Variants in GPATCH2 observed in about 807,000 individuals in gnomAD.
GPATCH2 encodes G-patch domain containing 2, also known as G patch domain-containing protein 2.
GPATCH2 carries 51 observed loss-of-function variants against 58.0 expected under a neutral mutation model. The ratio of observed to expected loss-of-function variants is 0.88; its 90% CI spans 0.70 to 1.11. The LOEUF (loss-of-function observed/expected upper bound fraction) is 1.11, where lower values mean the gene tolerates loss of function less well. Ranked by LOEUF, GPATCH2 falls within the 50% of genes most tolerant of loss-of-function variation. The pLI is 0.00. For missense variants in GPATCH2, 625 were observed against 652.2 expected, an observed-to-expected ratio of 0.96 and a Z score of 0.45; for synonymous variants, 222 against 218.5, an observed-to-expected ratio of 1.02 and a Z score of -0.14.
intron 5 of GPATCH2, among the ~76,000 whole-genome samples, chr1:217,546,942 CA>C (rs1558474347): frequency 2.0e-5 from 3 of 151,942 alleles, no homozygotes; most frequent in Non-Finnish European, 2.9e-5. Context: ...AGGACATGAA[CA>C]GACACTTTTC....
At chr1:217,622,910 G>T (rs767387952) in intron 1 of GPATCH2, among the ~76,000 whole-genome samples, 2 of 152,096 alleles carry the variant, frequency 1.3e-5, no homozygotes, top group African/African-American at 4.8e-5. Flanking sequence ...ATTAGCATTC[G>T]GCCAAACAAA....
chr1:217,451,954 G>A (rs746953486), intron 8 of GPATCH2, among the ~76,000 whole-genome samples: 1 of 152,210 alleles, frequency 6.6e-6, no homozygotes, highest in African/African-American at 2.4e-5. Flanking sequence ...AGTTTGCTCT[G>A]TTCAGGGAGT....
chr1:217,534,907 A>T (rs1211225342), intron 5 of GPATCH2, among the ~76,000 whole-genome samples: 1 of 152,218 alleles, frequency 6.6e-6, no homozygotes, highest in Admixed American at 6.5e-5. Context: ...GTCTTGTTCA[A>T]ATTCATGTTT....
intron 8 of GPATCH2, among the ~76,000 whole-genome samples, chr1:217,456,518 G>A (rs1333405187): frequency 2.0e-4 from 31 of 152,228 alleles, no homozygotes; most frequent in Admixed American, 1.9e-3. Context: ...GGACTCTCCT[G>A]ACTCCTCAAA....
rs1232268886 is a variant in GPATCH2, at chr1:217,427,159, T to C, written c.*3986A>G. The stretch of plus-strand genomic sequence containing the variant: ...GAGTGATTGTAACAGATTTGAACTC[T>C]GATACTTTAAGTGGTCAGAGAGAGC... On this transcript the variant is annotated 3_prime_UTR_variant, in exon 10 of 10. Transcript: ENST00000366935. 2.6e-5 allele frequency: 4 copies of C among 152,152 alleles called. No homozygotes were observed. The East Asian group carries it at 7.7e-4, about 29-fold the overall frequency. 9.4% of individuals were successfully genotyped at this position (152,152 alleles called of 1,614,324 possible).
At chr1:217,552,248 C>T (rs1360786144) in intron 5 of GPATCH2, among the ~76,000 whole-genome samples, 1 of 152,082 alleles carries the variant, frequency 6.6e-6, no homozygotes, top group African/African-American at 2.4e-5. Context: ...GAAGCAACCT[C>T]AACTAAAGTT....
At chr1:217,548,652 C>A (rs1665195479) in intron 5 of GPATCH2, among the ~76,000 whole-genome samples, 1 of 152,102 alleles carries the variant, frequency 6.6e-6, no homozygotes, top group South Asian at 2.1e-4. Flanking sequence ...TTCCCATAAT[C>A]CCCATGTGTC....
At chr1:217,627,420 G>C (rs372293893) in intron 1 of GPATCH2, among the ~76,000 whole-genome samples, 1 of 151,846 alleles carries the variant, frequency 6.6e-6, no homozygotes, top group African/African-American at 2.4e-5. Context: ...TAAGTTCATG[G>C]ACTCCTTGAA....
rs137887271 is a variant in GPATCH2, at chr1:217,509,767, T to C, written c.1166+5055A>G. ...GCATTGTGATGTACATTGTAAGAGA[T>C]TCAAAGTACAAGACAAAGTTTCCAA... is the stretch of plus-strand genomic sequence containing the variant. On this transcript the variant is annotated intron_variant, in intron 6 of 9. Transcript: ENST00000366935. Among the ~76,000 whole-genome samples the C allele has an allele frequency of 4.1e-4, 63 of 152,294 alleles. 1 individual carries two copies. Among genetic ancestry groups the C allele is most frequent in the African/African-American group, 1.1e-3 (44 of 41,560 alleles).
At chr1:217,547,981 G>A (rs1055331411) in intron 5 of GPATCH2, among the ~76,000 whole-genome samples, 14 of 152,110 alleles carry the variant, frequency 9.2e-5, no homozygotes, top group Non-Finnish European at 4.4e-5. Flanking sequence ...ATGGTAAAAC[G>A]TGCTTGCCTT....
At chr1:217,516,082 C>CTT (rs536080787) in intron 5 of GPATCH2, among the ~76,000 whole-genome samples, 1 of 144,220 alleles carries the variant, frequency 6.9e-6, no homozygotes, top group Non-Finnish European at 1.5e-5. Flanking sequence ...TAAGCTACTC[C>CTT]TTTTTTTTTT....
intron 5 of GPATCH2, among the ~76,000 whole-genome samples, chr1:217,572,000 A>AAG (rs1666583220): frequency 8.9e-5 from 12 of 135,134 alleles, no homozygotes; most frequent in Admixed American, 3.0e-4. Context: ...AAGGAAGGAA[A>AAG]GAAGGAAGGA....
chr1:217,429,871 G>C lies in GPATCH2; in HGVS notation c.*1274C>G, dbSNP rs1396330232. The stretch of plus-strand genomic sequence containing the variant: ...AGAAACAAAAAAACTCTTTTGGAAA[G>C]TGACAAGATTTTAAAAACCCATTAG... On this transcript the variant is annotated 3_prime_UTR_variant, in exon 10 of 10. Coordinates refer to ENST00000366935, the MANE Select transcript of GPATCH2 (RefSeq NM_018040.5). 1 of 146,848 alleles carries C rather than the reference G, an allele frequency of 6.8e-6. No homozygotes were observed. Among genetic ancestry groups the C allele is most frequent in the East Asian group, 2.0e-4 (1 of 5,082 alleles). 9.1% of individuals were successfully genotyped at this position (146,848 alleles called of 1,614,324 possible).
rs188143031 is a variant in GPATCH2, at chr1:217,526,945, A to G, written c.1099-12056T>C. 1.1e-4 allele frequency among the ~76,000 whole-genome samples: 16 copies of G among 152,312 alleles called. No individual in the cohort carries two copies. The East Asian group carries it at 2.9e-3, about 28-fold the overall frequency. On this transcript the variant is annotated intron_variant, in intron 5 of 9. Coordinates refer to ENST00000366935, the MANE Select transcript of GPATCH2 (RefSeq NM_018040.5). ...GGTTGTGTGTTCCTTATGAGAATCTAATGCCTGATGATCTGTCACTGTGTC... is the reference window on the plus strand; with the variant it reads ...GGTTGTGTGTTCCTTATGAGAATCTGATGCCTGATGATCTGTCACTGTGTC...
At chr1:217,566,512 C>T (rs1293519920) in intron 5 of GPATCH2, among the ~76,000 whole-genome samples, 3 of 152,152 alleles carry the variant, frequency 2.0e-5, no homozygotes, top group Non-Finnish European at 4.4e-5. Context: ...TTTTTATATA[C>T]AGTTCATACA....
At chr1:217,563,787 A>G (rs35091802) in intron 5 of GPATCH2, among the ~76,000 whole-genome samples, 34,304 of 152,042 alleles carry the variant, frequency 0.23, 4,075 homozygotes, top group East Asian at 0.3. Context: ...GCTCACGCCT[A>G]TAATCCCAGC....
intron 5 of GPATCH2, among the ~76,000 whole-genome samples, chr1:217,587,264 G>T (rs1446683353): frequency 1.3e-5 from 2 of 152,114 alleles, no homozygotes; most frequent in East Asian, 3.8e-4. Context: ...ATATTTATCT[G>T]CAAAAGTTCT....
intron 5 of GPATCH2, among the ~76,000 whole-genome samples, chr1:217,541,431 C>T (rs1664735603): frequency 1.3e-5 from 2 of 152,088 alleles, no homozygotes; most frequent in Admixed American, 6.5e-5. Flanking sequence ...TTTGTTTTCT[C>T]CCCCTGCAGT....
intron 8 of GPATCH2, among the ~76,000 whole-genome samples, chr1:217,473,405 T>C (rs1660821908): frequency 6.6e-6 from 1 of 151,938 alleles, no homozygotes; most frequent in South Asian, 2.1e-4. Context: ...TGACAGGTAA[T>C]AGGTAGTTTT....
Sources: gnomAD v4.1 joint callset for allele counts (sites outside exome capture counted in the v4.1 genomes callset) on GRCh38, gnomAD v4.1.1 for gene constraint, MANE v1.5 for transcripts, NCBI Gene and HGNC (gene_info 2026-07-23, HGNC 2026-07-21) for gene names.